STK32A: variants seen among roughly 807,000 people sequenced by gnomAD.
The protein encoded by STK32A is serine/threonine-protein kinase 32A.
A neutral mutation model predicts 53.2 loss-of-function variants in STK32A; 41 were observed. The ratio of observed to expected loss-of-function variants is 0.77; its 90% CI spans 0.60 to 1.00. The LOEUF is 1.00. Ranked by LOEUF, STK32A falls within the 50% of genes least tolerant of loss-of-function variation. STK32A has a pLI of 0.00. For synonymous variants in STK32A, 166 were observed against 162.8 expected, an observed-to-expected ratio of 1.02 and a Z score of -0.15; for missense variants, 458 against 485.8, an observed-to-expected ratio of 0.94 and a Z score of 0.54.
At chr5:147,264,983 GAC>G (rs1390456031) in intron 2 of STK32A, among the ~76,000 whole-genome samples, 1 of 151,676 alleles carries the variant, frequency 6.6e-6, no homozygotes, top group African/African-American at 2.4e-5. Flanking sequence ...ACATTAAAAA[GAC>G]TGAAATAGAG....
At chr5:147,368,770 T>C (rs1305965623) in intron 8 of STK32A, among the ~76,000 whole-genome samples, 1 of 152,190 alleles carries the variant, frequency 6.6e-6, no homozygotes, top group Non-Finnish European at 1.5e-5. Flanking sequence ...TTCAGTCATA[T>C]GGCCTTGTAA....
At position 147,383,973 on chromosome 5, in the gene STK32A, A is replaced by T; in HGVS notation, c.1181A>T (p.Asn394Ile). Residue 394 changes from asparagine (N) to isoleucine (I), a missense_variant, in exon 13 of 13, where the codon AAC becomes ATC. Coordinates refer to ENST00000397936, the MANE Select transcript of STK32A (RefSeq NM_001112724.2). ...KDPQGEDGQN[N>I]NL ...CCACAAGGTGAGGATGGTCAGAATA[A>T]CAACTTGTAAAGGCCTCATGTCTTC... 1 of 1,604,824 alleles carries T rather than the reference A, an allele frequency of 6.2e-7. No homozygotes were observed. Among genetic ancestry groups the T allele is most frequent in the Non-Finnish European group, 8.5e-7 (1 of 1,177,144 alleles).
chr5:147,342,275 C>T (rs536600368), intron 5 of STK32A, among the ~76,000 whole-genome samples: 2 of 152,204 alleles, frequency 1.3e-5, no homozygotes, highest in South Asian at 4.1e-4. Flanking sequence ...TAACAAGTCC[C>T]ATATCCATAA....
intron 7 of STK32A, among the ~76,000 whole-genome samples, chr5:147,352,208 T>C (rs570713202): frequency 1.3e-5 from 2 of 152,288 alleles, no homozygotes; most frequent in South Asian, 2.1e-4. Context: ...TGAGACTCTG[T>C]CTCTAAAAAC....
At chr5:147,315,091 G>A (rs1354288485) in intron 4 of STK32A, among the ~76,000 whole-genome samples, 1 of 152,160 alleles carries the variant, frequency 6.6e-6, no homozygotes, top group Admixed American at 6.5e-5. Flanking sequence ...TGGAGAGGAT[G>A]TAGAGAAACT....
At chr5:147,248,784 G>A (rs1753860310) in intron 2 of STK32A, among the ~76,000 whole-genome samples, 1 of 152,176 alleles carries the variant, frequency 6.6e-6, no homozygotes, top group East Asian at 1.9e-4. Context: ...GGGAAGTGCT[G>A]ACAGTGCAAA....
intron 1 of STK32A, among the ~76,000 whole-genome samples, chr5:147,237,564 T>C (rs1189707236): frequency 6.6e-6 from 1 of 152,198 alleles, no homozygotes; most frequent in Non-Finnish European, 1.5e-5. Flanking sequence ...GGTTGAGTTC[T>C]ATCTTCCTGG....
At chr5:147,335,492 T>C (rs914657567) in intron 5 of STK32A, among the ~76,000 whole-genome samples, 18 of 152,192 alleles carry the variant, frequency 1.2e-4, no homozygotes, top group African/African-American at 4.1e-4. Flanking sequence ...TGTTCCTCCA[T>C]GTGATTGCAA....
At chr5:147,237,861 A>C (rs1753391998) in intron 1 of STK32A, among the ~76,000 whole-genome samples, 2 of 152,274 alleles carry the variant, frequency 1.3e-5, no homozygotes, top group African/African-American at 4.8e-5. Flanking sequence ...GGGGTTTCAT[A>C]AGTTCTTTTT....
chr5:147,344,321 C>T (rs1346974834), intron 6 of STK32A, among the ~76,000 whole-genome samples: 1 of 152,198 alleles, frequency 6.6e-6, no homozygotes, highest in Admixed American at 6.5e-5. Context: ...ACTGTCATTA[C>T]TTATTTATGG....
At chr5:147,367,859 G>A (rs1348429250) in intron 8 of STK32A, among the ~76,000 whole-genome samples, 1 of 152,154 alleles carries the variant, frequency 6.6e-6, no homozygotes, top group African/African-American at 2.4e-5. Flanking sequence ...AGGAAAAAAT[G>A]ACCAACTATG....
At chr5:147,270,799 G>T (rs1395783814) in intron 2 of STK32A, among the ~76,000 whole-genome samples, 1 of 152,040 alleles carries the variant, frequency 6.6e-6, no homozygotes, top group African/African-American at 2.4e-5. Flanking sequence ...TTGGCAAGGT[G>T]GTGGACAAAA....
intron 2 of STK32A, among the ~76,000 whole-genome samples, chr5:147,269,141 C>G (rs180750143): frequency 3.3e-5 from 5 of 152,242 alleles, no homozygotes; most frequent in East Asian, 3.9e-4. Flanking sequence ...AATAGTAATA[C>G]TGTTTCAGAG....
chr5:147,257,652 T>C (rs1428041552), intron 2 of STK32A, among the ~76,000 whole-genome samples: 2 of 152,084 alleles, frequency 1.3e-5, no homozygotes, highest in Non-Finnish European at 2.9e-5. Flanking sequence ...CCTTTTTCAC[T>C]GTAGAAACAG....
At chr5:147,345,058 A>G (rs1000832134) in intron 6 of STK32A, among the ~76,000 whole-genome samples, 19 of 152,226 alleles carry the variant, frequency 1.2e-4, no homozygotes, top group Admixed American at 1.2e-3. Context: ...CCACCTTTAG[A>G]GACTACCCTT....
At chr5:147,266,749 G>A (rs543493665) in intron 2 of STK32A, among the ~76,000 whole-genome samples, 70 of 152,208 alleles carry the variant, frequency 4.6e-4, no homozygotes, top group African/African-American at 1.5e-3. Flanking sequence ...CATTGGCTGG[G>A]CGTGATGGCT....
At chr5:147,289,872 C>CTA (rs910963552) in intron 4 of STK32A, among the ~76,000 whole-genome samples, 3 of 151,994 alleles carry the variant, frequency 2.0e-5, no homozygotes, top group Non-Finnish European at 2.9e-5. Context: ...CTTCTTTCAC[C>CTA]TATATGTTTA....
intron 4 of STK32A, among the ~76,000 whole-genome samples, chr5:147,307,857 A>G (rs891226192): frequency 2.0e-5 from 3 of 152,028 alleles, no homozygotes; most frequent in Non-Finnish European, 4.4e-5. Context: ...GTCACCATCT[A>G]TGTATGGGTT....
At chr5:147,290,643 T>C (rs1476812488) in intron 4 of STK32A, among the ~76,000 whole-genome samples, 2 of 152,148 alleles carry the variant, frequency 1.3e-5, no homozygotes, top group South Asian at 2.1e-4. Flanking sequence ...GGGGTCCACA[T>C]GTGGTTTCAG....
Sources: allele counts gnomAD v4.1 joint callset (sites outside exome capture counted in the v4.1 genomes callset), GRCh38; gene constraint gnomAD v4.1.1; transcripts MANE v1.5; gene names NCBI Gene and HGNC (gene_info 2026-07-23, HGNC 2026-07-21).